The following GLRA3 variants were observed in gnomAD, a reference collection of about 807,000 sequenced individuals.
GLRA3 encodes glycine receptor alpha 3, also known as glycine receptor subunit alpha-3.
In GLRA3, 44 loss-of-function variants were observed where a neutral mutation model predicts 60.4. The ratio of observed to expected loss-of-function variants is 0.73; its 90% CI spans 0.57 to 0.94. The LOEUF is 0.94. GLRA3 is among the 40% of genes least tolerant of loss of function. The pLI is 0.00. For synonymous variants in GLRA3, 223 were observed against 192.9 expected (o/e 1.16, Z -1.29); for missense variants, 508 against 564.6 (o/e 0.90, Z 1.02).
intron 1 of GLRA3, among the ~76,000 whole-genome samples, chr4:174,821,145 AT>A (rs1449571300): frequency 1.3e-5 from 2 of 152,202 alleles, no homozygotes; most frequent in Non-Finnish European, 1.5e-5. Flanking sequence ...AAATGAAAAT[AT>A]TTCCAATATT....
chr4:174,822,781 T>C (rs1215572880), intron 1 of GLRA3, among the ~76,000 whole-genome samples: 2 of 152,204 alleles, frequency 1.3e-5, no homozygotes, highest in East Asian at 3.8e-4. Flanking sequence ...TTCCATTCAG[T>C]AAGCTTTTTC....
At position 174,642,993 on chromosome 4, in the gene GLRA3, C is replaced by A; in HGVS notation, c.*793G>T. The A allele has an allele frequency of 3.3e-6, 3 of 903,740 alleles. No homozygotes were observed. Among genetic ancestry groups the A allele is most frequent in the Non-Finnish European group, 4.0e-6 (3 of 756,166 alleles). 56.0% of individuals were successfully genotyped at this position (903,740 alleles called of 1,614,324 possible). A position where few individuals can be genotyped will look rare whatever the true frequency, so the allele number is the denominator to read the frequency against. Reference sequence around the variant, plus strand: ...GTAGCTATTAAAAGTCTAACAAAAACAAGGGTGCTGGCTTGAATTGTTCAA... The same window carrying A: ...GTAGCTATTAAAAGTCTAACAAAAAAAAGGGTGCTGGCTTGAATTGTTCAA... On this transcript the variant is annotated 3_prime_UTR_variant, in exon 10 of 10. Coordinates refer to ENST00000274093, the MANE Select transcript of GLRA3 (RefSeq NM_006529.4).
intron 9 of GLRA3, 36 bp downstream of exon 9, chr4:174,656,707 A>G: frequency 8.5e-7 from 1 of 1,180,170 alleles, no homozygotes; most frequent in Non-Finnish European, 1.3e-6. Context: ...ACTGATGACC[A>G]CATTCCTCTA....
intron 4 of GLRA3, among the ~76,000 whole-genome samples, chr4:174,726,955 G>T (rs1736350928): frequency 6.6e-6 from 1 of 152,100 alleles, no homozygotes; most frequent in East Asian, 1.9e-4. Flanking sequence ...GGAGTATAGG[G>T]CTTATTAGTG....
At chr4:174,805,187 T>A (rs1483394132) in intron 1 of GLRA3, among the ~76,000 whole-genome samples, 2 of 152,134 alleles carry the variant, frequency 1.3e-5, no homozygotes, top group African/African-American at 4.8e-5. Flanking sequence ...ACCCTCTCTA[T>A]TTGCCTAAAT....
At chr4:174,662,823 GTTTTTTTTTTTTTC>G (rs1733504565) in intron 7 of GLRA3, among the ~76,000 whole-genome samples, 1 of 127,526 alleles carries the variant, frequency 7.8e-6, no homozygotes, top group East Asian at 2.3e-4. Flanking sequence ...GTTATTCCTT[GTTTTTTTTTTTTTC>G]TTTTTTTTTT....
intron 9 of GLRA3, among the ~76,000 whole-genome samples, chr4:174,651,825 C>A (rs1733029898): frequency 6.6e-6 from 1 of 152,068 alleles, no homozygotes; most frequent in South Asian, 2.1e-4. Context: ...AAATGTGTTC[C>A]ATGAAAGAGT....
intron 1 of GLRA3, among the ~76,000 whole-genome samples, chr4:174,792,816 G>C (rs551553382): frequency 6.6e-6 from 1 of 152,256 alleles, no homozygotes; most frequent in African/African-American, 2.4e-5. Context: ...CTGCAGACAA[G>C]TTAAATAATG....
intron 6 of GLRA3, among the ~76,000 whole-genome samples, chr4:174,680,738 A>G (rs1198461139): frequency 6.6e-6 from 1 of 152,226 alleles, no homozygotes; most frequent in Non-Finnish European, 1.5e-5. Context: ...ATACTTCAGG[A>G]TAGTGAAAAT....
chr4:174,716,936 T>TA (rs1735941004), intron 4 of GLRA3, among the ~76,000 whole-genome samples: 1 of 152,010 alleles, frequency 6.6e-6, no homozygotes, highest in African/African-American at 2.4e-5. Flanking sequence ...CGTGGTGTCT[T>TA]ACGCCTGTAA....
At chr4:174,784,589 T>A (rs1030763521) in intron 2 of GLRA3, among the ~76,000 whole-genome samples, 2 of 152,072 alleles carry the variant, frequency 1.3e-5, no homozygotes, top group African/African-American at 4.8e-5. Flanking sequence ...AATCAACCAT[T>A]TCTATACATA....
At chr4:174,669,496 C>T (rs1294706599) in intron 7 of GLRA3, among the ~76,000 whole-genome samples, 1 of 152,118 alleles carries the variant, frequency 6.6e-6, no homozygotes, top group Non-Finnish European at 1.5e-5. Flanking sequence ...GTGGAATGTT[C>T]ATGCTGATTA....
intron 1 of GLRA3, among the ~76,000 whole-genome samples, chr4:174,828,221 T>C (rs893463735): frequency 6.6e-6 from 1 of 152,180 alleles, no homozygotes; most frequent in South Asian, 2.1e-4. Flanking sequence ...ATGTATTACC[T>C]GAGCTAGGTC....
intron 7 of GLRA3, among the ~76,000 whole-genome samples, chr4:174,671,916 G>T (rs1193768736): frequency 6.6e-6 from 1 of 152,138 alleles, no homozygotes. Flanking sequence ...CTCCCAAAGT[G>T]CTGGGATTAC....
chr4:174,780,162 C>T (rs866312492), intron 2 of GLRA3, among the ~76,000 whole-genome samples: 2,274 of 147,540 alleles, frequency 0.015, 57 homozygotes, highest in African/African-American at 0.054. Context: ...CAATATTCAA[C>T]ATTCTTAAAG....
intron 5 of GLRA3, among the ~76,000 whole-genome samples, chr4:174,710,296 T>C (rs1400465407): frequency 6.6e-6 from 1 of 152,074 alleles, no homozygotes; most frequent in Non-Finnish European, 1.5e-5. Flanking sequence ...TCCTAAAATT[T>C]CCCATAACTC....
rs773035267 is a variant in GLRA3 at position 174,715,566 on chromosome 4, T to A, written c.496A>T (p.Thr166Ser). The stretch of plus-strand genomic sequence containing the variant: ...TCCATTGGACAGGAAAGTGTTAATG[T>A]TAATCTGAAAGTCAAAGTAATTATT... Reference protein sequence around the residue: ...NGNVLYSIRLTLTLSCPMDLK... With the variant: ...NGNVLYSIRLSLTLSCPMDLK... The change falls in exon 5 of 10, where the codon ACA becomes TCA. Residue 166 changes from threonine (T) to serine (S), a missense_variant. By Grantham distance (58) the Thr-to-Ser change is moderately conservative. Around this residue, in one of 3 missense-constraint regions of GLRA3, gnomAD observed 329 missense variants for 349.3 expected, o/e 0.94. Transcript: ENST00000274093. 4.2e-5 allele frequency: 60 copies of A among 1,442,282 alleles called. 1 individual carries two copies. In the East Asian group the frequency reaches 1.3e-3, roughly 32 times the overall value. The allele number at this position is 1,442,282 out of a possible 1,614,324, so 89.3% of individuals were successfully genotyped here.
At chr4:174,735,906 C>G (rs1561085984) in intron 3 of GLRA3, among the ~76,000 whole-genome samples, 1 of 152,104 alleles carries the variant, frequency 6.6e-6, no homozygotes, top group Non-Finnish European at 1.5e-5. Flanking sequence ...TGGACCTTCA[C>G]TAAACAATTG....
At position 174,636,994 on chromosome 4, in the gene GLRA3, CA is replaced by C. The variant is rs1732509820; in HGVS notation, c.*6791del. 6.6e-6 allele frequency: 1 copy of C among 152,084 alleles called. No individual in the cohort carries two copies. The highest frequency in any genetic ancestry group is 2.4e-5 in the African/African-American group (1 of 41,424). The allele number at this position is 152,084 out of a possible 1,614,324, so 9.4% of individuals were successfully genotyped here. The stretch of plus-strand genomic sequence containing the variant: ...TACATGTTAAATACTTTATACTGTT[CA>C]CAGGTTAATGACTCTGATAGAGAGT... On this transcript the variant is annotated 3_prime_UTR_variant, in exon 10 of 10. Coordinates refer to ENST00000274093, the MANE Select transcript of GLRA3 (RefSeq NM_006529.4).
Sources: gnomAD v4.1 joint callset for allele counts (sites outside exome capture counted in the v4.1 genomes callset) on GRCh38, gnomAD v4.1.1 for gene constraint, gnomAD v4.1.1 regional missense constraint, MANE v1.5 for transcripts, NCBI Gene and HGNC (gene_info 2026-07-23, HGNC 2026-07-21) for gene names.